Variants in DBX2 observed in about 807,000 individuals in gnomAD.
DBX2 encodes homeobox protein DBX2.
Under a neutral mutation model 17.7 loss-of-function variants are expected in DBX2, and 16 were observed. The ratio of observed to expected loss-of-function variants is 0.90; its 90% CI spans 0.61 to 1.37. The LOEUF (loss-of-function observed/expected upper bound fraction) is 1.37, where lower values mean the gene tolerates loss of function less well. Ranked by LOEUF, DBX2 falls within the 40% of genes most tolerant of loss-of-function variation. The pLI is 0.00. For missense variants in DBX2, 538 were observed against 433.8 expected (o/e 1.24, Z -2.13); for synonymous variants, 255 against 183.8 (o/e 1.39, Z -3.13).
At chr12:45,033,684 A>C (rs1946421223) in intron 2 of DBX2, among the ~76,000 whole-genome samples, 1 of 152,196 alleles carries the variant, frequency 6.6e-6, no homozygotes, top group Non-Finnish European at 1.5e-5. Flanking sequence ...ATGAGAAACT[A>C]TCATTTATTA....
intron 2 of DBX2, among the ~76,000 whole-genome samples, chr12:45,031,669 G>A (rs1380752402): frequency 1.3e-5 from 2 of 152,098 alleles, no homozygotes; most frequent in Non-Finnish European, 2.9e-5. Context: ...CTTGTTCAAT[G>A]TACCTTTTAA....
intron 1 of DBX2, 77 bp from the exon 2 acceptor site, chr12:45,036,191 A>G (rs1372609818): frequency 8.0e-7 from 1 of 1,252,376 alleles, no homozygotes; most frequent in Non-Finnish European, 1.1e-6. Flanking sequence ...CCTAAAAGTC[A>G]TTGAGTAAAT....
At chr12:45,034,620 T>A (rs1363384690) in intron 2 of DBX2, among the ~76,000 whole-genome samples, 1 of 152,210 alleles carries the variant, frequency 6.6e-6, no homozygotes, top group Non-Finnish European at 1.5e-5. Context: ...ATGGGCCCTA[T>A]GTATTCAGCA....
chr12:45,024,908 C>G (rs1054020906), intron 2 of DBX2, among the ~76,000 whole-genome samples: 21 of 152,218 alleles, frequency 1.4e-4, no homozygotes, highest in Non-Finnish European at 7.3e-5. Context: ...ATCATCAACC[C>G]CTTGAGGTAA....
At chr12:45,045,869 G>C (rs150260162) in intron 1 of DBX2, among the ~76,000 whole-genome samples, 1 of 152,036 alleles carries the variant, frequency 6.6e-6, no homozygotes, top group Admixed American at 6.5e-5. Flanking sequence ...TAAATTCTAC[G>C]TTTAATTCTA....
chr12:45,039,316 T>C, intron 1 of DBX2, among the ~76,000 whole-genome samples: 1 of 125,280 alleles, frequency 8.0e-6, no homozygotes, highest in Admixed American at 8.9e-5. Flanking sequence ...TATATATATA[T>C]ATATATGTAT....
Position 45,048,017 on chromosome 12 carries a change from T to A in DBX2, c.403+2508A>T, listed in dbSNP as rs181638167. ...CAAGGGCCGAGACAGTCATCTGTCT[T>A]GTTAACTGATTATGCCAATGGCCTA... is the stretch of plus-strand genomic sequence containing the variant. On this transcript the variant is annotated intron_variant, in intron 1 of 3. Transcript: ENST00000332700. Among the ~76,000 whole-genome samples, 3 of 152,306 alleles carry A rather than the reference T, an allele frequency of 2.0e-5. No individual in the cohort carries two copies. In the East Asian group the frequency reaches 5.8e-4, roughly 29 times the overall value.
intron 3 of DBX2, among the ~76,000 whole-genome samples, chr12:45,023,185 T>C (rs1277460819): frequency 6.6e-6 from 1 of 152,174 alleles, no homozygotes; most frequent in Admixed American, 6.5e-5. Context: ...GTTGCAAATG[T>C]GAAATTGCTT....
rs116494207 is a variant in DBX2, at chr12:45,022,821, C to T, written c.687+886G>A. Among the ~76,000 whole-genome samples the T allele has an allele frequency of 6.0e-3, 919 of 152,282 alleles. 12 individuals are homozygous for T. The highest frequency in any genetic ancestry group is 0.021 in the African/African-American group (857 of 41,550). On this transcript the variant is annotated intron_variant, in intron 3 of 3. Transcript: ENST00000332700. The stretch of plus-strand genomic sequence containing the variant: ...GCCGCCACTATCCCTTTTGGCCAGA[C>T]GCCTTTGTACAGTGAACTCTATGCA...
At chr12:45,033,925 G>C (rs1490849771) in intron 2 of DBX2, among the ~76,000 whole-genome samples, 1 of 152,098 alleles carries the variant, frequency 6.6e-6, no homozygotes, top group Non-Finnish European at 1.5e-5. Flanking sequence ...AGCAGATGGA[G>C]AAAAATAAGA....
chr12:45,024,578 C>A (rs1194114178), intron 2 of DBX2, among the ~76,000 whole-genome samples: 1 of 152,158 alleles, frequency 6.6e-6, no homozygotes, highest in Non-Finnish European at 1.5e-5. Context: ...TTCTCTAATT[C>A]TTCATTTGTT....
Position 45,050,913 on chromosome 12 carries a change from C to G in DBX2, c.15G>C (p.Ala5=), listed in dbSNP as rs943038816. Residue 5 remains alanine (A), a synonymous_variant, in exon 1 of 4, where the codon GCG becomes GCC. Transcript: ENST00000332700. Reference sequence around the variant, plus strand: ...AGTACGCACCGGCGTGGGCTGCGACCGCGCTGGGGAGCATAGTGCGGCGCC... The same window carrying G: ...AGTACGCACCGGCGTGGGCTGCGACGGCGCTGGGGAGCATAGTGCGGCGCC... The part of the protein sequence containing the change: MLPS[A]VAAHAGAYWD... 8 of 1,499,758 alleles carry G rather than the reference C, an allele frequency of 5.3e-6. No homozygotes were observed. Among genetic ancestry groups the G allele is most frequent in the Non-Finnish European group, 7.1e-6 (8 of 1,125,298 alleles). 92.9% of individuals were successfully genotyped at this position (1,499,758 alleles called of 1,614,324 possible). A position where few individuals can be genotyped will look rare whatever the true frequency, so the allele number is the denominator to read the frequency against.
chr12:45,030,611 C>T (rs746475653), intron 2 of DBX2, among the ~76,000 whole-genome samples: 2 of 152,220 alleles, frequency 1.3e-5, no homozygotes, highest in Non-Finnish European at 2.9e-5. Context: ...GCAACCTGGG[C>T]TACCCTGAGG....
At chr12:45,038,402 C>CA (rs1054224381) in intron 1 of DBX2, among the ~76,000 whole-genome samples, 45 of 146,770 alleles carry the variant, frequency 3.1e-4, no homozygotes, top group Admixed American at 8.8e-4. Context: ...AAACAGAAAA[C>CA]AAAAAAAAAG....
chr12:45,047,285 G>A (rs1252453082), intron 1 of DBX2, among the ~76,000 whole-genome samples: 2 of 152,004 alleles, frequency 1.3e-5, no homozygotes, highest in Non-Finnish European at 2.9e-5. Context: ...AATAATCAGA[G>A]TTTACTCAAA....
At chr12:45,030,578 C>T (rs1387621557) in intron 2 of DBX2, among the ~76,000 whole-genome samples, 1 of 152,214 alleles carries the variant, frequency 6.6e-6, no homozygotes, top group Non-Finnish European at 1.5e-5. Context: ...TCTCTGTTTC[C>T]TGTTCTGTTC....
At position 45,051,083 on chromosome 12, in the gene DBX2, G is replaced by C; in HGVS notation, c.-156C>G. On this transcript the variant is annotated 5_prime_UTR_variant, in exon 1 of 4. Transcript: ENST00000332700. ...GGGAGGAAAGGCCACCCGGGACGGC[G>C]GCGGACTTGGAACGATATTATTTAT... The C allele has an allele frequency of 1.2e-6, 1 of 820,736 alleles. No homozygotes were observed. The highest frequency in any genetic ancestry group is 4.2e-5 in the South Asian group (1 of 23,858). The allele number at this position is 820,736 out of a possible 1,614,324, so 50.8% of individuals were successfully genotyped here.
intron 1 of DBX2, among the ~76,000 whole-genome samples, chr12:45,039,299 ATATATATATATATATATATATATG>A (rs1456101474): frequency 1.2e-3 from 105 of 91,060 alleles, no homozygotes; most frequent in Admixed American, 3.5e-3. Context: ...ATATATATAT[ATATATATATATATATATATATATG>A]TATCACACTT....
intron 3 of DBX2, among the ~76,000 whole-genome samples, chr12:45,022,809 C>T (rs1379286596): frequency 2.6e-5 from 4 of 152,164 alleles, no homozygotes; most frequent in South Asian, 2.1e-4. Context: ...GCCACTATCC[C>T]TTTTGGCCAG....
Sources: allele counts gnomAD v4.1 joint callset (sites outside exome capture counted in the v4.1 genomes callset), GRCh38; gene constraint gnomAD v4.1.1; transcripts MANE v1.5; gene names NCBI Gene and HGNC (gene_info 2026-07-23, HGNC 2026-07-21).